CDC42BPA: variants seen among roughly 807,000 people sequenced by gnomAD.
CDC42BPA encodes the protein CDC42 binding protein kinase alpha, also known as serine/threonine-protein kinase MRCK alpha.
In CDC42BPA, 80 loss-of-function variants were observed where a neutral mutation model predicts 223.5. The ratio of observed to expected loss-of-function variants is 0.36; its 90% CI spans 0.30 to 0.43. The LOEUF is 0.43. Among genes scored for constraint, CDC42BPA ranks in the 20% least tolerant of loss-of-function variants. The pLI is 1.00. For missense variants in CDC42BPA, 1,743 were observed against 2,099.9 expected (o/e 0.83, Z 3.32); for synonymous variants, 694 against 718.6 (o/e 0.97, Z 0.55).
intron 29 of CDC42BPA, among the ~76,000 whole-genome samples, chr1:227,030,134 CA>C (rs112837037): frequency 1.9e-3 from 227 of 119,228 alleles, no homozygotes; most frequent in African/African-American, 2.3e-3. Flanking sequence ...ACTCTGTCTC[CA>C]AAAAAAAAAA....
At chr1:227,046,294 C>T (rs1465142532) in intron 23 of CDC42BPA, among the ~76,000 whole-genome samples, 2 of 151,942 alleles carry the variant, frequency 1.3e-5, no homozygotes, top group East Asian at 1.9e-4. Context: ...ATGACATTAT[C>T]GATAGGTCTT....
chr1:227,005,329 C>T (rs896378693), intron 34 of CDC42BPA, among the ~76,000 whole-genome samples: 1 of 152,174 alleles, frequency 6.6e-6, no homozygotes, highest in African/African-American at 2.4e-5. Context: ...AGTACTTATA[C>T]TTACTGAAAT....
chr1:227,101,004 G>T lies in CDC42BPA; in HGVS notation c.2237C>A (p.Thr746Asn), dbSNP rs766336543. ...IMILKDKLEK[T>N]RRESQSEREE... The stretch of plus-strand genomic sequence containing the variant: ...ATGTGATTCTTACCTTTCTCTTCTG[G>T]TTTTTTCCAATTTGTCTTTTAAAAT... The change falls in exon 15 of 37, where the codon ACC becomes AAC. Residue 746 changes from threonine (T) to asparagine (N), a missense_variant. Around this residue, in one of 6 missense-constraint regions of CDC42BPA, gnomAD observed 464 missense variants for 488.0 expected, o/e 0.95. Coordinates refer to ENST00000366766, the MANE Select transcript of CDC42BPA (RefSeq NM_001394014.1). The T allele has an allele frequency of 2.3e-5, 34 of 1,504,608 alleles. No homozygotes were observed. The highest frequency in any genetic ancestry group is 1.9e-4 in the Middle Eastern group (1 of 5,250). 93.2% of individuals were successfully genotyped at this position (1,504,608 alleles called of 1,614,324 possible).
chr1:227,030,950 T>C (rs1486168058), intron 28 of CDC42BPA, among the ~76,000 whole-genome samples: 1 of 152,164 alleles, frequency 6.6e-6, no homozygotes, highest in East Asian at 1.9e-4. Flanking sequence ...TTATTTAAAC[T>C]TCCCAATAAC....
At chr1:227,005,258 T>G (rs1264979311) in intron 34 of CDC42BPA, 147 bp from the exon 35 acceptor site, 6 of 633,910 alleles carry the variant, frequency 9.5e-6, no homozygotes, top group Non-Finnish European at 1.7e-5. Flanking sequence ...TATATAGTCT[T>G]TCCCACCCAC....
rs114162560 is a variant in CDC42BPA, at chr1:227,009,774, C to T, written c.4858-4663G>A. Among the ~76,000 whole-genome samples, 915 of 152,128 alleles carry T rather than the reference C, an allele frequency of 6.0e-3. 10 individuals carry two copies. Among genetic ancestry groups the T allele is most frequent in the African/African-American group, 0.021 (862 of 41,500 alleles). ...TGGAATCCACTCCCTGCAGTCTAAG[C>T]AAACTCAGGCTTATTTTATCGTGGT... On this transcript the variant is annotated intron_variant, in intron 34 of 36. Transcript: ENST00000366766.
chr1:227,129,666 CAAAAAAA>C (rs569879499), intron 10 of CDC42BPA, among the ~76,000 whole-genome samples: 60 of 33,916 alleles, frequency 1.8e-3, no homozygotes, highest in Admixed American at 3.2e-3. Flanking sequence ...GACTGTATCT[CAAAAAAA>C]AAAAAAAAAA....
chr1:227,130,916 T>C (rs1201119247), intron 10 of CDC42BPA, among the ~76,000 whole-genome samples: 1 of 152,064 alleles, frequency 6.6e-6, no homozygotes, highest in Non-Finnish European at 1.5e-5. Flanking sequence ...GAGCTACTTT[T>C]CCTCCTGTAC....
chr1:227,161,078 G>A (rs1187468304), intron 5 of CDC42BPA, among the ~76,000 whole-genome samples: 1 of 152,130 alleles, frequency 6.6e-6, no homozygotes, highest in Non-Finnish European at 1.5e-5. Flanking sequence ...ATTACTGCAG[G>A]TCATGACAAC....
intron 1 of CDC42BPA, among the ~76,000 whole-genome samples, chr1:227,310,731 G>C (rs1353357625): frequency 1.3e-5 from 2 of 148,910 alleles, no homozygotes; most frequent in Admixed American, 1.3e-4. Flanking sequence ...CTGTCGCCCA[G>C]ACTGGAGTGC....
chr1:227,213,309 A>C, intron 2 of CDC42BPA, 90 bp from the exon 3 acceptor site: 1 of 621,524 alleles, frequency 1.6e-6, no homozygotes, highest in South Asian at 2.3e-5. Context: ...TAAAAAAATA[A>C]ATACCAATTA....
At chr1:227,310,986 C>T (rs746916576) in intron 1 of CDC42BPA, among the ~76,000 whole-genome samples, 4 of 152,010 alleles carry the variant, frequency 2.6e-5, no homozygotes, top group South Asian at 2.1e-4. Context: ...CCACCGCACC[C>T]GGCCAAGGAG....
In CDC42BPA at chr1:227,029,001, T is replaced by C; in HGVS notation, c.4088A>G (p.Tyr1363Cys). Residue 1363 changes from tyrosine to cysteine, a missense_variant, in exon 30 of 37, where the codon TAT becomes TGT. By Grantham distance (194) the Tyr-to-Cys change is radical. This residue lies in a region of CDC42BPA where 678 missense variants were observed against 777.5 expected (regional missense o/e 0.87). Transcript: ENST00000366766. ...ACGGGTCTTGCTCTGAAATAGTTCA[T>C]AACAGAGGACCTGCCTTTTCATAGC... ...CVAMKRQVLC[Y>C]ELFQSKTRHR... 6.2e-7 allele frequency: 1 copy of C among 1,614,126 alleles called. No homozygotes were observed. The highest frequency in any genetic ancestry group is 8.5e-7 in the Non-Finnish European group (1 of 1,180,024).
At chr1:227,094,666 T>C (rs1683667029) in intron 15 of CDC42BPA, among the ~76,000 whole-genome samples, 1 of 152,168 alleles carries the variant, frequency 6.6e-6, no homozygotes, top group Admixed American at 6.5e-5. Flanking sequence ...AAATAAAAAA[T>C]TAAATACAGC....
At chr1:227,190,381 C>T (rs977713459) in intron 5 of CDC42BPA, among the ~76,000 whole-genome samples, 1 of 152,154 alleles carries the variant, frequency 6.6e-6, no homozygotes, top group African/African-American at 2.4e-5. Context: ...TAGATGACAT[C>T]TGAATCACAG....
chr1:226,999,866 G>A (rs1160758484), intron 35 of CDC42BPA, among the ~76,000 whole-genome samples: 13 of 145,638 alleles, frequency 8.9e-5, no homozygotes, highest in Non-Finnish European at 1.5e-4. Context: ...ACCAAACACC[G>A]CATGTTCTCA....
chr1:227,028,675 C>T lies in CDC42BPA; in HGVS notation c.4414G>A (p.Ala1472Thr). The change falls in exon 30 of 37, where the codon GCA becomes ACA. Residue 1472 changes from alanine to threonine, a missense_variant. Ala to Thr is a moderately conservative substitution (Grantham distance 58). This residue lies in a region of CDC42BPA where 678 missense variants were observed against 777.5 expected (regional missense o/e 0.87). Coordinates refer to ENST00000366766, the MANE Select transcript of CDC42BPA (RefSeq NM_001394014.1). ...ATCTTACAACAAGAGGAAGGATTTG[C>T]TGGCCACATCAATTCCTGTTGTCTA... ...RSRQQELMWP[A>T]NPSSCCYNAP... 2.6e-6 allele frequency: 4 copies of T among 1,562,424 alleles called. No homozygotes were observed. Among genetic ancestry groups the T allele is most frequent in the Non-Finnish European group, 3.5e-6 (4 of 1,148,652 alleles).
intron 1 of CDC42BPA, among the ~76,000 whole-genome samples, chr1:227,272,892 A>G (rs9426619): frequency 0.16 from 23,994 of 152,202 alleles, 2,178 homozygotes; most frequent in East Asian, 0.37. Context: ...CCATCATTAA[A>G]TAAGTTACTT....
chr1:227,187,682 C>CGCG lies in CDC42BPA; in HGVS notation c.599+6103_599+6104insCGC, dbSNP rs56343562. ...AGAAGGATAAATGGCACCCCCCACC[C>CGCG]CCCCCCCAAAAAAAAAAAACTATAC... On this transcript the variant is annotated intron_variant, in intron 5 of 36. Transcript: ENST00000366766. 2.0e-4 allele frequency among the ~76,000 whole-genome samples: 5 copies of CGCG among 24,924 alleles called. 1 individual carries two copies. Among genetic ancestry groups the CGCG allele is most frequent in the African/African-American group, 3.9e-4 (3 of 7,792 alleles). 16.4% of individuals were successfully genotyped at this position (24,924 alleles called of 152,430 possible).
Sources: gnomAD v4.1 joint callset for allele counts (sites outside exome capture counted in the v4.1 genomes callset) on GRCh38, gnomAD v4.1.1 for gene constraint, gnomAD v4.1.1 regional missense constraint, MANE v1.5 for transcripts, NCBI Gene and HGNC (gene_info 2026-07-23, HGNC 2026-07-21) for gene names.